Variants in IFT80 observed in about 807,000 individuals in gnomAD.
The protein encoded by IFT80 is intraflagellar transport 80.
In IFT80, 79 loss-of-function variants were observed where a neutral mutation model predicts 107.9. The observed-to-expected ratio is 0.73, with a 90% CI of 0.61 to 0.88. The LOEUF (loss-of-function observed/expected upper bound fraction) is 0.88, where lower values mean the gene tolerates loss of function less well. Ranked by LOEUF, IFT80 falls within the 40% of genes least tolerant of loss-of-function variation. IFT80 has a pLI of 0.00. For missense variants in IFT80, 797 were observed against 914.2 expected (o/e 0.87, Z 1.65); for synonymous variants, 299 against 300.9 (o/e 0.99, Z 0.07).
chr3:160,344,335 A>G (rs1559951143), intron 8 of IFT80, among the ~76,000 whole-genome samples: 3 of 152,084 alleles, frequency 2.0e-5, no homozygotes, highest in South Asian at 2.1e-4. Flanking sequence ...AAGATCACTG[A>G]TTTAGTCTTT....
At chr3:160,373,197 G>A (rs60304551) in intron 5 of IFT80, among the ~76,000 whole-genome samples, 5,284 of 152,120 alleles carry the variant, frequency 0.035, 322 homozygotes, top group African/African-American at 0.12. Context: ...AGTGAGCCAC[G>A]ATGCCTGGCC....
At position 160,390,193 on chromosome 3, in the gene IFT80, G is replaced by A. The variant is rs113293173; in HGVS notation, c.-46-5547C>T. Reference sequence around the variant, plus strand: ...AGCACTTTGGGAGGCCGAGGCGGGCGGATCAGCTGAGGTCGGGAGTTTGAG... The same window carrying A: ...AGCACTTTGGGAGGCCGAGGCGGGCAGATCAGCTGAGGTCGGGAGTTTGAG... On this transcript the variant is annotated intron_variant, in intron 1 of 19. Coordinates refer to ENST00000326448, the MANE Select transcript of IFT80 (RefSeq NM_020800.3). Among the ~76,000 whole-genome samples the A allele has an allele frequency of 1.8e-3, 268 of 152,150 alleles. 1 individual carries two copies. The highest frequency in any genetic ancestry group is 5.9e-3 in the African/African-American group (246 of 41,514).
chr3:160,297,080 T>C lies in IFT80; in HGVS notation c.1315+3803A>G, dbSNP rs75827753. ...AGTTCTCTATTTCCAGCCTCAACCT[T>C]TCCCTGATGTTGTGAAGTAGGTGAA... On this transcript the variant is annotated intron_variant, in intron 12 of 19. Coordinates refer to ENST00000326448, the MANE Select transcript of IFT80 (RefSeq NM_020800.3). Among the ~76,000 whole-genome samples the C allele has an allele frequency of 3.2e-3, 491 of 152,260 alleles. 1 individual carries two copies. The highest frequency in any genetic ancestry group is 0.011 in the African/African-American group (459 of 41,566).
intron 8 of IFT80, among the ~76,000 whole-genome samples, chr3:160,320,867 A>G (rs1420293964): frequency 5.3e-5 from 8 of 151,862 alleles, no homozygotes; most frequent in Non-Finnish European, 8.8e-5. Flanking sequence ...GGGAATGGAA[A>G]AATATAAAGA....
rs1714331459 is a variant in IFT80, at chr3:160,277,184, T to A, written c.2099+122A>T. 1.1e-5 allele frequency: 9 copies of A among 823,412 alleles called. No homozygotes were observed. The South Asian group carries it at 1.3e-4, about 11-fold the overall frequency. 51.0% of individuals were successfully genotyped at this position (823,412 alleles called of 1,614,324 possible). ...AACTATTCACAAATATGAATATGAA[T>A]AAATTCTTCTGTGGTGTTAAGAAAC... is the stretch of plus-strand genomic sequence containing the variant. On this transcript the variant is annotated intron_variant, in intron 18 of 19. Coordinates refer to ENST00000326448, the MANE Select transcript of IFT80 (RefSeq NM_020800.3).
chr3:160,363,064 G>C (rs1006121113), intron 6 of IFT80, among the ~76,000 whole-genome samples: 3 of 152,180 alleles, frequency 2.0e-5, no homozygotes, highest in Middle Eastern at 3.2e-3. Flanking sequence ...ATTAGGAAAA[G>C]AGGAAGTCAA....
At chr3:160,316,080 G>A (rs1717795060) in intron 9 of IFT80, among the ~76,000 whole-genome samples, 1 of 152,108 alleles carries the variant, frequency 6.6e-6, no homozygotes, top group Admixed American at 6.6e-5. Flanking sequence ...TGGCAACAGT[G>A]ATGAGATGTC....
chr3:160,282,012 T>C (rs1714725384), intron 14 of IFT80, among the ~76,000 whole-genome samples: 1 of 152,228 alleles, frequency 6.6e-6, no homozygotes, highest in Non-Finnish European at 1.5e-5. Context: ...GCCCAGTGGC[T>C]TACGCCTGTA....
chr3:160,264,142 C>T (rs1427289462), intron 19 of IFT80, among the ~76,000 whole-genome samples: 1 of 151,592 alleles, frequency 6.6e-6, no homozygotes, highest in Non-Finnish European at 1.5e-5. Context: ...TGGAGTCTTG[C>T]TCTGTTGCCC....
At chr3:160,290,574 TTTTTG>T (rs1044286638) in intron 12 of IFT80, among the ~76,000 whole-genome samples, 9 of 152,156 alleles carry the variant, frequency 5.9e-5, no homozygotes, top group South Asian at 4.2e-4. Context: ...TGTTTGTTTG[TTTTTG>T]TTTTGTTTTG....
rs182500388 is a variant in IFT80 at position 160,322,855 on chromosome 3, T to C, written c.778-2916A>G. ...TCTTCTTTTGAGAAGTGTCTGTTCA[T>C]ATCCTTTCCCCACTTTTTGATGGGG... On this transcript the variant is annotated intron_variant, in intron 8 of 19. Coordinates refer to ENST00000326448, the MANE Select transcript of IFT80 (RefSeq NM_020800.3). Among the ~76,000 whole-genome samples, 21 of 152,342 alleles carry C rather than the reference T, an allele frequency of 1.4e-4. No homozygotes were observed. In the East Asian group the frequency reaches 3.7e-3, roughly 27 times the overall value.
rs79368825 is a variant in IFT80, at chr3:160,302,487, C to T, written c.1151+1428G>A. Among the ~76,000 whole-genome samples, 1,266 of 152,116 alleles carry T rather than the reference C, an allele frequency of 8.3e-3. 9 individuals carry two copies. The highest frequency in any genetic ancestry group is 0.012 in the Non-Finnish European group (785 of 67,910). On this transcript the variant is annotated intron_variant, in intron 11 of 19. Coordinates refer to ENST00000326448, the MANE Select transcript of IFT80 (RefSeq NM_020800.3). ...TTTATTTTCCAATAACACACTATGG[C>T]TTTTAACCTATTTGTGAGTAAACAC...
At chr3:160,260,704 T>C (rs1162977160) in intron 19 of IFT80, among the ~76,000 whole-genome samples, 1 of 152,222 alleles carries the variant, frequency 6.6e-6, no homozygotes, top group African/African-American at 2.4e-5. Flanking sequence ...AGTTGTCAAG[T>C]GATTTCTACA....
rs1712528779 is a variant in IFT80 at position 160,381,653 on chromosome 3, T to C, written c.109A>G (p.Ile37Val). Residue 37 changes from isoleucine to valine, a missense_variant, in exon 3 of 20, where the codon ATA becomes GTA. Coordinates refer to ENST00000326448, the MANE Select transcript of IFT80 (RefSeq NM_020800.3). Reference protein sequence around the residue: ...ELYSCSDDHQIVKWNLLTSET... With the variant: ...ELYSCSDDHQVVKWNLLTSET... ...CTGGTTAACAAGTTCCACTTCACTATCTGGTGATCATCACTACATGAATAC... is the reference window on the plus strand; with the variant it reads ...CTGGTTAACAAGTTCCACTTCACTACCTGGTGATCATCACTACATGAATAC... 1.2e-6 allele frequency: 2 copies of C among 1,612,446 alleles called. No individual in the cohort carries two copies. Among genetic ancestry groups the C allele is most frequent in the East Asian group, 4.5e-5 (2 of 44,824 alleles).
intron 10 of IFT80, among the ~76,000 whole-genome samples, chr3:160,306,815 C>T (rs772406683): frequency 2.0e-5 from 3 of 152,148 alleles, no homozygotes; most frequent in Admixed American, 1.3e-4. Context: ...CAAGATGATG[C>T]TATACTTTAC....
At chr3:160,391,663 T>C (rs1289725970) in intron 1 of IFT80, 1 of 151,738 alleles carries the variant, frequency 6.6e-6, no homozygotes, top group East Asian at 1.9e-4. Flanking sequence ...AAAGAGAGAC[T>C]CTGTCTCAAA....
At chr3:160,268,572 T>C (rs1713537652) in intron 18 of IFT80, 36 bp from the exon 19 acceptor site, 1 of 1,607,136 alleles carries the variant, frequency 6.2e-7, no homozygotes, top group Admixed American at 1.7e-5. Context: ...TTAACATTGT[T>C]TGTGTCAGAC....
intron 10 of IFT80, among the ~76,000 whole-genome samples, chr3:160,305,423 G>A (rs988262937): frequency 6.6e-6 from 1 of 152,036 alleles, no homozygotes; most frequent in Admixed American, 6.6e-5. Flanking sequence ...TTAGTCTGGG[G>A]TTCATAGATA....
chr3:160,291,937 T>G (rs770974004), intron 12 of IFT80, among the ~76,000 whole-genome samples: 17 of 152,306 alleles, frequency 1.1e-4, no homozygotes, highest in Non-Finnish European at 2.4e-4. Flanking sequence ...GCTGCAGCAA[T>G]GCAGAGATGA....
Sources: gnomAD v4.1 joint callset for allele counts (sites outside exome capture counted in the v4.1 genomes callset) on GRCh38, gnomAD v4.1.1 for gene constraint, MANE v1.5 for transcripts, NCBI Gene and HGNC (gene_info 2026-07-23, HGNC 2026-07-21) for gene names.